The following TPST1 variants were observed in gnomAD, a reference collection of about 807,000 sequenced individuals.
The protein encoded by TPST1 is tyrosylprotein sulfotransferase 1, also known as protein-tyrosine sulfotransferase 1.
Under a neutral mutation model 34.8 loss-of-function variants are expected in TPST1, and 20 were observed. The observed-to-expected ratio is 0.57, with a 90% CI of 0.40 to 0.84. The LOEUF (loss-of-function observed/expected upper bound fraction) is 0.84, where lower values mean the gene tolerates loss of function less well. TPST1 is among the 40% of genes least tolerant of loss of function. TPST1 has a pLI of 0.00. For missense variants in TPST1, 353 were observed against 455.5 expected, an observed-to-expected ratio of 0.78 and a Z score of 2.05; for synonymous variants, 152 against 159.4, an observed-to-expected ratio of 0.95 and a Z score of 0.35.
intron 1 of TPST1, among the ~76,000 whole-genome samples, chr7:66,220,739 G>A (rs1283675930): frequency 7.2e-6 from 1 of 138,410 alleles, no homozygotes. Flanking sequence ...GAACGGCCTT[G>A]TACTAACGTT....
At chr7:66,355,543 AT>A (rs898428718) in intron 4 of TPST1, among the ~76,000 whole-genome samples, 33 of 151,482 alleles carry the variant, frequency 2.2e-4, no homozygotes, top group Middle Eastern at 3.4e-3. Flanking sequence ...TCGTAAGGGA[AT>A]TTTTTTTTAA....
In TPST1 at chr7:66,254,975, G is replaced by A. The variant is rs374881067; in HGVS notation, c.845+13705G>A. Among the ~76,000 whole-genome samples, 12 of 151,684 alleles carry A rather than the reference G, an allele frequency of 7.9e-5. 1 individual carries two copies. The highest frequency in any genetic ancestry group is 9.7e-5 in the African/African-American group (4 of 41,394). ...ATCCTGGCTAACATGGTGAAACCCCGTCTCTACTAAAAATACAAAAAATTA... is the reference window on the plus strand; with the variant it reads ...ATCCTGGCTAACATGGTGAAACCCCATCTCTACTAAAAATACAAAAAATTA... On this transcript the variant is annotated intron_variant, in intron 2 of 5. Coordinates refer to ENST00000304842, the MANE Select transcript of TPST1 (RefSeq NM_003596.4).
At chr7:66,218,106 T>C (rs1042456730) in intron 1 of TPST1, among the ~76,000 whole-genome samples, 3 of 151,728 alleles carry the variant, frequency 2.0e-5, no homozygotes, top group Non-Finnish European at 2.9e-5. Flanking sequence ...CTCAAACCCC[T>C]GACCTCAAGT....
rs916748170 is a variant in TPST1 at position 66,352,487 on chromosome 7, C to T, written c.1045-18C>T. ...CTGGACCTGTTGCCTTAAACTCACGCCTGCTTTGTTTTTCCAGGTCTATAA... is the reference window on the plus strand; with the variant it reads ...CTGGACCTGTTGCCTTAAACTCACGTCTGCTTTGTTTTTCCAGGTCTATAA... On this transcript the variant is annotated intron_variant, in intron 3 of 5. Transcript: ENST00000304842. 1.2e-6 allele frequency: 2 copies of T among 1,610,474 alleles called. No individual in the cohort carries two copies. Among genetic ancestry groups the T allele is most frequent in the Non-Finnish European group, 1.7e-6 (2 of 1,179,312 alleles).
At chr7:66,307,699 A>G (rs1395520622) in intron 3 of TPST1, among the ~76,000 whole-genome samples, 2 of 152,220 alleles carry the variant, frequency 1.3e-5, no homozygotes, top group Non-Finnish European at 2.9e-5. Context: ...ACACTTAGCC[A>G]TGATTGTTGC....
chr7:66,297,445 G>A (rs915050561), intron 3 of TPST1, among the ~76,000 whole-genome samples: 1 of 152,162 alleles, frequency 6.6e-6, no homozygotes, highest in Admixed American at 6.5e-5. Flanking sequence ...CTATACTTGC[G>A]GTACCTATGA....
chr7:66,308,902 A>G (rs943854067), intron 3 of TPST1, among the ~76,000 whole-genome samples: 2 of 152,094 alleles, frequency 1.3e-5, no homozygotes, highest in African/African-American at 4.8e-5. Flanking sequence ...AACCTTTTGA[A>G]TAAATTTTAT....
chr7:66,223,695 ATTTTG>A (rs1789593125), intron 1 of TPST1, among the ~76,000 whole-genome samples: 1 of 152,018 alleles, frequency 6.6e-6, no homozygotes, highest in African/African-American at 2.4e-5. Flanking sequence ...TCAATTTTTT[ATTTTG>A]TTTTATTTCA....
intron 1 of TPST1, among the ~76,000 whole-genome samples, chr7:66,217,504 G>C (rs1789448753): frequency 6.6e-6 from 1 of 152,126 alleles, no homozygotes; most frequent in Non-Finnish European, 1.5e-5. Flanking sequence ...ACATTGTATA[G>C]TTTGCTGTTT....
intron 3 of TPST1, among the ~76,000 whole-genome samples, chr7:66,320,082 T>C (rs1791719409): frequency 6.6e-6 from 1 of 152,072 alleles, no homozygotes; most frequent in African/African-American, 2.4e-5. Context: ...CTAATACTCT[T>C]TTACTGAGAC....
At chr7:66,216,183 A>G (rs1789405667) in intron 1 of TPST1, among the ~76,000 whole-genome samples, 1 of 152,064 alleles carries the variant, frequency 6.6e-6, no homozygotes, top group Non-Finnish European at 1.5e-5. Context: ...TCTTTTAGAA[A>G]TTTGTCCATT....
At chr7:66,354,883 C>T (rs1584263977) in intron 4 of TPST1, among the ~76,000 whole-genome samples, 1 of 152,000 alleles carries the variant, frequency 6.6e-6, no homozygotes, top group Non-Finnish European at 1.5e-5. Flanking sequence ...GTCCCAGCTA[C>T]TTGGGAGGCT....
At chr7:66,203,506 G>A (rs1311981133), upstream of TPST1, among the ~76,000 whole-genome samples, 1 of 141,852 alleles carries the variant, frequency 7.0e-6, no homozygotes, top group Non-Finnish European at 1.5e-5. Flanking sequence ...TTTTTTTTGA[G>A]ACGGAGTCTC....
intron 1 of TPST1, among the ~76,000 whole-genome samples, chr7:66,221,040 G>A (rs1789532019): frequency 6.6e-6 from 1 of 152,040 alleles, no homozygotes. Context: ...GGCTGAGGCA[G>A]GAGAATTGCT....
At chr7:66,311,197 C>T (rs575315273) in intron 3 of TPST1, among the ~76,000 whole-genome samples, 1 of 152,012 alleles carries the variant, frequency 6.6e-6, no homozygotes, top group Non-Finnish European at 1.5e-5. Context: ...AGTGCAGTGG[C>T]ATGATGATAG....
intron 2 of TPST1, among the ~76,000 whole-genome samples, chr7:66,276,070 A>G (rs1296299647): frequency 1.3e-5 from 2 of 151,910 alleles, no homozygotes; most frequent in Non-Finnish European, 1.5e-5. Flanking sequence ...TTGGATACCT[A>G]TACTTTGCCT....
intron 1 of TPST1, among the ~76,000 whole-genome samples, chr7:66,222,535 G>C (rs1223085344): frequency 6.6e-6 from 1 of 152,198 alleles, no homozygotes; most frequent in African/African-American, 2.4e-5. Flanking sequence ...TGGTATGTGT[G>C]CTTTGAGGTT....
At chr7:66,302,522 G>A (rs1791338763) in intron 3 of TPST1, among the ~76,000 whole-genome samples, 1 of 152,040 alleles carries the variant, frequency 6.6e-6, no homozygotes, top group South Asian at 2.1e-4. Context: ...TTTTACACTT[G>A]GGACTCTTTC....
At chr7:66,351,042 GA>G (rs1244105129) in intron 3 of TPST1, among the ~76,000 whole-genome samples, 6 of 152,104 alleles carry the variant, frequency 3.9e-5, no homozygotes, top group Non-Finnish European at 7.4e-5. Context: ...TATCAAGACA[GA>G]AAATTACCAG....
Sources: gnomAD v4.1 joint callset for allele counts (sites outside exome capture counted in the v4.1 genomes callset) on GRCh38, gnomAD v4.1.1 for gene constraint, MANE v1.5 for transcripts, NCBI Gene and HGNC (gene_info 2026-07-23, HGNC 2026-07-21) for gene names.